Variants in DLGAP2 observed in about 807,000 individuals in gnomAD.
DLGAP2 encodes the protein DLG associated protein 2.
In DLGAP2, 26 loss-of-function variants were observed where a neutral mutation model predicts 100.3. That is an observed-to-expected ratio of 0.26 (90% confidence interval 0.19 to 0.36). DLGAP2 has a LOEUF of 0.36. Ranked by LOEUF, DLGAP2 falls within the 10% of genes least tolerant of loss-of-function variation. The pLI is 1.00. For missense variants in DLGAP2, 1,858 were observed against 1,453.2 expected, an observed-to-expected ratio of 1.28 and a Z score of -4.53; for synonymous variants, 886 against 630.1, an observed-to-expected ratio of 1.41 and a Z score of -6.08.
chr8:1,548,597 T>A (rs762213102), intron 4 of DLGAP2, 29 bp from the exon 5 acceptor site: 1 of 1,454,418 alleles, frequency 6.9e-7, no homozygotes, highest in East Asian at 2.6e-5. Context: ...CGCTTCCGGG[T>A]GTTCAATGCC....
At chr8:1,068,679 G>C (rs1397406644) in intron 2 of DLGAP2, among the ~76,000 whole-genome samples, 1 of 152,044 alleles carries the variant, frequency 6.6e-6, no homozygotes, top group Non-Finnish European at 1.5e-5. Flanking sequence ...GCACAGCAGG[G>C]GCTCAGCGCA....
chr8:1,623,202 C>T (rs1373688173), intron 6 of DLGAP2, among the ~76,000 whole-genome samples: 1 of 152,232 alleles, frequency 6.6e-6, no homozygotes, highest in Non-Finnish European at 1.5e-5. Context: ...ATCTTGAGTG[C>T]TTAAAATCCC....
Position 1,130,054 on chromosome 8 carries a change from A to G in DLGAP2, c.74-128797A>G, listed in dbSNP as rs529263867. On this transcript the variant is annotated intron_variant, in intron 2 of 14. Transcript: ENST00000637795. ...GGCACTTCACACAAGTTAAGGGATCATGTCGGGCACTTCACGTGGGTTAAG... is the reference window on the plus strand; with the variant it reads ...GGCACTTCACACAAGTTAAGGGATCGTGTCGGGCACTTCACGTGGGTTAAG... Among the ~76,000 whole-genome samples, 16 of 152,130 alleles carry G rather than the reference A, an allele frequency of 1.1e-4. No individual in the cohort carries two copies. The East Asian group carries it at 3.1e-3, about 29-fold the overall frequency.
intron 1 of DLGAP2, among the ~76,000 whole-genome samples, chr8:862,099 G>C (rs924375028): frequency 1.3e-5 from 2 of 152,088 alleles, no homozygotes; most frequent in Admixed American, 6.5e-5. Context: ...GTCATTTCTT[G>C]GTTTCATGAG....
intron 1 of DLGAP2, among the ~76,000 whole-genome samples, chr8:871,151 C>T (rs546678166): frequency 4.4e-4 from 67 of 152,292 alleles, no homozygotes; most frequent in Non-Finnish European, 6.9e-4. Context: ...TTTATGCCAC[C>T]GTTGGGTGCC....
intron 1 of DLGAP2, among the ~76,000 whole-genome samples, chr8:844,119 A>C (rs1391869767): frequency 6.6e-6 from 1 of 152,214 alleles, no homozygotes; most frequent in Non-Finnish European, 1.5e-5. Context: ...TGTGGTTCAC[A>C]GTGAAGAGTA....
At chr8:1,260,576 C>T (rs1005662054) in intron 3 of DLGAP2, among the ~76,000 whole-genome samples, 9 of 151,886 alleles carry the variant, frequency 5.9e-5, no homozygotes, top group Non-Finnish European at 8.8e-5. Context: ...TAAATCACCC[C>T]GGAGTCCTGG....
chr8:1,253,800 C>G (rs949313990), intron 2 of DLGAP2, among the ~76,000 whole-genome samples: 1 of 152,214 alleles, frequency 6.6e-6, no homozygotes, highest in Non-Finnish European at 1.5e-5. Flanking sequence ...CAGGTTAAGT[C>G]TTGTCTACAT....
chr8:1,437,425 C>G (rs1021637577), intron 3 of DLGAP2, among the ~76,000 whole-genome samples: 5 of 152,332 alleles, frequency 3.3e-5, no homozygotes, highest in African/African-American at 1.2e-4. Flanking sequence ...AATGATGGAA[C>G]GTAGAACCCC....
chr8:1,229,042 A>T (rs1394712499), intron 2 of DLGAP2, among the ~76,000 whole-genome samples: 1 of 152,234 alleles, frequency 6.6e-6, no homozygotes, highest in Non-Finnish European at 1.5e-5. Flanking sequence ...ATTTCCTAAC[A>T]AATTATTAGA....
intron 6 of DLGAP2, among the ~76,000 whole-genome samples, chr8:1,609,747 G>C (rs953467765): frequency 1.6e-5 from 2 of 127,598 alleles, no homozygotes; most frequent in African/African-American, 5.7e-5. Context: ...CCTAGTCTCT[G>C]ATAAAACAGA....
chr8:845,943 A>G (rs1797063610), intron 1 of DLGAP2, among the ~76,000 whole-genome samples: 1 of 152,166 alleles, frequency 6.6e-6, no homozygotes, highest in African/African-American at 2.4e-5. Context: ...TTGTCTTGGC[A>G]CCCTTGTCAA....
intron 6 of DLGAP2, among the ~76,000 whole-genome samples, chr8:1,570,807 CTGTGGGGATGTCTGATGAGAT>C (rs1802628207): frequency 1.5e-5 from 2 of 129,962 alleles, no homozygotes; most frequent in African/African-American, 6.4e-5. Context: ...AGAGGGTGAA[CTGTGGGGATGTCTGATGAGAT>C]GGAGAGGAGA....
intron 2 of DLGAP2, among the ~76,000 whole-genome samples, chr8:1,115,709 C>A (rs1805095002): frequency 6.6e-6 from 1 of 152,124 alleles, no homozygotes; most frequent in South Asian, 2.1e-4. Context: ...AGTGCTGAGA[C>A]CACTGGCTAT....
rs1204396340 is a variant in DLGAP2 at position 1,315,452 on chromosome 8, A to C, written c.106+56569A>C. 6.5e-5 allele frequency among the ~76,000 whole-genome samples: 9 copies of C among 139,470 alleles called. No individual in the cohort carries two copies. In the East Asian group the frequency reaches 6.5e-4, roughly 10 times the overall value. 91.5% of individuals were successfully genotyped at this position (139,470 alleles called of 152,430 possible). Reference sequence around the variant, plus strand: ...GCGTGTGCGAGTGCAGCGTCTCTCCAACAGTGGTCTACACTCGAGAAACTC... The same window carrying C: ...GCGTGTGCGAGTGCAGCGTCTCTCCCACAGTGGTCTACACTCGAGAAACTC... On this transcript the variant is annotated intron_variant, in intron 3 of 14. Transcript: ENST00000637795.
At position 1,659,962 on chromosome 8, in the gene DLGAP2, T is replaced by C. The variant is rs544746226; in HGVS notation, c.1811-8367T>C. Among the ~76,000 whole-genome samples, 86 of 152,308 alleles carry C rather than the reference T, an allele frequency of 5.6e-4. 1 individual carries two copies. The highest frequency in any genetic ancestry group is 1.9e-3 in the African/African-American group (79 of 41,576). ...TCAATGGTCTTTACAATTTGGCATG[T>C]TTTTGCAGTGGCTGGTACCAGTTTT... On this transcript the variant is annotated intron_variant, in intron 8 of 14. Transcript: ENST00000637795.
chr8:1,343,365 C>T (rs748846957), intron 3 of DLGAP2, among the ~76,000 whole-genome samples: 2 of 152,122 alleles, frequency 1.3e-5, no homozygotes, highest in South Asian at 2.1e-4. Context: ...CTCACAGACA[C>T]GGCCAACCGG....
intron 1 of DLGAP2, among the ~76,000 whole-genome samples, chr8:782,907 A>C (rs564422646): frequency 6.6e-6 from 1 of 151,908 alleles, no homozygotes; most frequent in South Asian, 2.1e-4. Flanking sequence ...AAATCACAAT[A>C]CTCTGTTAGG....
intron 4 of DLGAP2, among the ~76,000 whole-genome samples, chr8:1,539,823 C>T (rs1448745375): frequency 6.6e-6 from 1 of 152,190 alleles, no homozygotes; most frequent in Non-Finnish European, 1.5e-5. Flanking sequence ...ACAGCTGTGC[C>T]ATGAGCACCA....
Sources: gnomAD v4.1 joint callset for allele counts (sites outside exome capture counted in the v4.1 genomes callset) on GRCh38, gnomAD v4.1.1 for gene constraint, MANE v1.5 for transcripts, NCBI Gene and HGNC (gene_info 2026-07-23, HGNC 2026-07-21) for gene names.